CFAP263: variants seen among roughly 807,000 people sequenced by gnomAD.
The protein encoded by CFAP263 is cilia and flagella associated protein 263, also known as cilia- and flagella-associated protein 263.
At chr16:58,260,660 T>C in the CFAP263 span, among the ~76,000 whole-genome samples, 1 of 152,184 alleles carries the variant, frequency 6.6e-6, no homozygotes, top group Non-Finnish European at 1.5e-5. Context: ...CAAACATGGT[T>C]CCATCCTTTC....
At chr16:58,253,277 A>C in the CFAP263 span, among the ~76,000 whole-genome samples, 1 of 152,186 alleles carries the variant, frequency 6.6e-6, no homozygotes, top group East Asian at 1.9e-4. Context: ...GCTACTTGGG[A>C]GGCTGAGGTG....
chr16:58,253,705 C>T, the CFAP263 span, among the ~76,000 whole-genome samples: 1 of 152,204 alleles, frequency 6.6e-6, no homozygotes, highest in East Asian at 1.9e-4. Flanking sequence ...GACTTGAATG[C>T]TAGTCTATAG....
chr16:58,262,636 C>A, the CFAP263 span: 3 of 1,215,716 alleles, frequency 2.5e-6, no homozygotes, highest in East Asian at 2.4e-5. Flanking sequence ...TTTCACACAG[C>A]GTTTGGGTGC....
chr16:58,250,634 G>T, the CFAP263 span, among the ~76,000 whole-genome samples: 1 of 151,972 alleles, frequency 6.6e-6, no homozygotes, highest in Non-Finnish European at 1.5e-5. Flanking sequence ...GCGTGGTGGC[G>T]CGTGCCTGTA....
chr16:58,267,698 C>T, the CFAP263 span: 1 of 668,464 alleles, frequency 1.5e-6, no homozygotes, highest in Non-Finnish European at 2.6e-6. Flanking sequence ...CTAGAAAAGC[C>T]TAGACAATAA....
At chr16:58,253,052 G>A in the CFAP263 span, among the ~76,000 whole-genome samples, 1 of 152,252 alleles carries the variant, frequency 6.6e-6, no homozygotes, top group African/African-American at 2.4e-5. Flanking sequence ...GTTAATAGTG[G>A]ATTGACTCTC....
At chr16:58,250,780 A>T in the CFAP263 span, among the ~76,000 whole-genome samples, 1 of 151,430 alleles carries the variant, frequency 6.6e-6, no homozygotes, top group Non-Finnish European at 1.5e-5. Flanking sequence ...AAAAAAAAAA[A>T]AAAATTATAT....
At chr16:58,251,547 AC>A in the CFAP263 span, among the ~76,000 whole-genome samples, 29 of 152,184 alleles carry the variant, frequency 1.9e-4, 1 homozygote, top group African/African-American at 7.0e-4. Context: ...ACCTGCCACC[AC>A]ACCCAGCTAA....
chr16:58,279,760 T>C, the CFAP263 span: 1 of 1,613,672 alleles, frequency 6.2e-7, no homozygotes, highest in East Asian at 2.2e-5. Flanking sequence ...GCAGGCAGAT[T>C]ACCTTGCTGG....
chr16:58,256,840 A>G, the CFAP263 span, among the ~76,000 whole-genome samples: 1 of 151,210 alleles, frequency 6.6e-6, no homozygotes, highest in East Asian at 2.0e-4. Context: ...TTATAGTAAT[A>G]TGTGTGTGTG....
the CFAP263 span, chr16:58,262,522 G>A: frequency 1.1e-5 from 17 of 1,606,388 alleles, no homozygotes; most frequent in South Asian, 1.9e-4. Context: ...ACACTCTGCA[G>A]GTTCTCAATG....
the CFAP263 span, chr16:58,279,810 A>G: frequency 6.6e-7 from 1 of 1,512,988 alleles, no homozygotes; most frequent in Non-Finnish European, 9.1e-7. Flanking sequence ...AGACCACTAC[A>G]TGACCTATAA....
At chr16:58,280,878 G>A in the CFAP263 span, 2 of 859,116 alleles carry the variant, frequency 2.3e-6, no homozygotes, top group South Asian at 2.0e-5. Context: ...TGGAAATGGG[G>A]CAAATTATAG....
At chr16:58,279,371 G>C in the CFAP263 span, among the ~76,000 whole-genome samples, 1 of 152,220 alleles carries the variant, frequency 6.6e-6, no homozygotes, top group Non-Finnish European at 1.5e-5. Flanking sequence ...TTGCAGCAGA[G>C]AGTAAATTAG....
the CFAP263 span, among the ~76,000 whole-genome samples, chr16:58,256,702 A>T: frequency 6.6e-6 from 1 of 152,066 alleles, no homozygotes; most frequent in Admixed American, 6.6e-5. Context: ...ATGTTCTACC[A>T]TGTGGAGATG....
chr16:58,258,075 T>G, the CFAP263 span, among the ~76,000 whole-genome samples: 13 of 137,102 alleles, frequency 9.5e-5, no homozygotes, highest in African/African-American at 2.9e-5. Context: ...ATCACTGCAC[T>G]CCAGCCTGGG....
the CFAP263 span, among the ~76,000 whole-genome samples, chr16:58,268,957 A>C: frequency 6.6e-6 from 1 of 152,202 alleles, no homozygotes; most frequent in Non-Finnish European, 1.5e-5. Context: ...ATTATAATAT[A>C]TTCACAGAGT....
chr16:58,275,521 G>A, the CFAP263 span, among the ~76,000 whole-genome samples: 1 of 152,220 alleles, frequency 6.6e-6, no homozygotes, highest in East Asian at 1.9e-4. Context: ...AATTCTGAAT[G>A]AGTAAATGAG....
chr16:58,251,106 G>A, the CFAP263 span, among the ~76,000 whole-genome samples: 7 of 152,312 alleles, frequency 4.6e-5, no homozygotes, highest in South Asian at 1.4e-3. Flanking sequence ...GGTCAGAACT[G>A]AGGTATTATT....
Sources: gnomAD v4.1 joint callset for allele counts (sites outside exome capture counted in the v4.1 genomes callset) on GRCh38, gnomAD v4.1.1 for gene constraint, MANE v1.5 for transcripts, NCBI Gene and HGNC (gene_info 2026-07-23, HGNC 2026-07-21) for gene names.